Variants in PDE3A observed in about 807,000 individuals in gnomAD.
PDE3A encodes the protein phosphodiesterase 3A.
A neutral mutation model predicts 98.3 loss-of-function variants in PDE3A; 43 were observed. The ratio of observed to expected loss-of-function variants is 0.44; its 90% CI spans 0.34 to 0.56. The LOEUF is 0.56. PDE3A is among the 20% of genes least tolerant of loss of function. PDE3A has a pLI of 0.01. For missense variants in PDE3A, 1,427 were observed against 1,440.7 expected (o/e 0.99, Z 0.15); for synonymous variants, 663 against 567.9 (o/e 1.17, Z -2.38).
At chr12:20,474,363 G>T (rs80325674) in intron 1 of PDE3A, among the ~76,000 whole-genome samples, 4 of 152,016 alleles carry the variant, frequency 2.6e-5, no homozygotes, top group Non-Finnish European at 5.9e-5. Context: ...GTGTTTTCTC[G>T]TAGGATTTTT....
intron 1 of PDE3A, among the ~76,000 whole-genome samples, chr12:20,505,277 C>T (rs758888761): frequency 4.6e-5 from 7 of 152,054 alleles, no homozygotes; most frequent in Non-Finnish European, 7.4e-5. Context: ...GGAACTTGAC[C>T]TAGGAGTCTC....
At chr12:20,557,283 G>C (rs1942394539) in intron 2 of PDE3A, 1 of 152,964 alleles carries the variant, frequency 6.5e-6, no homozygotes, top group African/African-American at 2.4e-5. Flanking sequence ...ACGCATTTAT[G>C]CTTTTTAATG....
chr12:20,400,627 C>T (rs112845478), intron 1 of PDE3A, among the ~76,000 whole-genome samples: 3,355 of 151,948 alleles, frequency 0.022, 120 homozygotes, highest in African/African-American at 0.077. Flanking sequence ...ACTGTGTTAG[C>T]CAAGATGGTC....
chr12:20,642,020 C>T (rs1385592732), intron 10 of PDE3A, among the ~76,000 whole-genome samples: 1 of 151,962 alleles, frequency 6.6e-6, no homozygotes, highest in Non-Finnish European at 1.5e-5. Flanking sequence ...TAGTTATAAT[C>T]AGCACATACA....
intron 5 of PDE3A, among the ~76,000 whole-genome samples, chr12:20,623,719 TATATTCTA>T (rs1244458174): frequency 9.7e-5 from 14 of 143,772 alleles, no homozygotes; most frequent in Middle Eastern, 3.7e-3. Flanking sequence ...ATATGATGGA[TATATTCTA>T]GAAAGAATAT....
chr12:20,505,787 A>C (rs1256230298), intron 1 of PDE3A, among the ~76,000 whole-genome samples: 1 of 152,098 alleles, frequency 6.6e-6, no homozygotes, highest in East Asian at 1.9e-4. Context: ...TCTTCAGGAC[A>C]GTGGTTTTCC....
In PDE3A at chr12:20,487,712, G is replaced by T. The variant is rs576252274; in HGVS notation, c.961-68948G>T. On this transcript the variant is annotated intron_variant, in intron 1 of 15. Transcript: ENST00000359062. ...AGTTTCTACAAGGCAATATTCAATT[G>T]CATTCCAATGGATACAACATCCATT... Among the ~76,000 whole-genome samples the T allele has an allele frequency of 2.6e-5, 4 of 151,596 alleles. 1 individual carries two copies. The highest frequency in any genetic ancestry group is 9.7e-5 in the African/African-American group (4 of 41,348).
chr12:20,526,940 C>A (rs924873143), intron 1 of PDE3A, among the ~76,000 whole-genome samples: 3 of 143,608 alleles, frequency 2.1e-5, no homozygotes, highest in Non-Finnish European at 3.0e-5. Context: ...GTGTTTGAGA[C>A]CAAGTCTCAC....
chr12:20,537,014 A>T (rs1386809938), intron 1 of PDE3A, among the ~76,000 whole-genome samples: 2 of 152,070 alleles, frequency 1.3e-5, no homozygotes, highest in Non-Finnish European at 2.9e-5. Context: ...CTAGCAAATT[A>T]TAAAGGTCCT....
At chr12:20,485,660 C>G (rs567499900) in intron 1 of PDE3A, among the ~76,000 whole-genome samples, 134 of 152,268 alleles carry the variant, frequency 8.8e-4, no homozygotes, top group African/African-American at 3.1e-3. Flanking sequence ...AAAACTAGCA[C>G]ATTTTAAGGA....
chr12:20,603,713 A>C (rs1286192012), intron 2 of PDE3A, among the ~76,000 whole-genome samples: 4 of 152,292 alleles, frequency 2.6e-5, no homozygotes, highest in African/African-American at 9.6e-5. Context: ...ACAATGTTTC[A>C]CCAACAATAA....
intron 1 of PDE3A, among the ~76,000 whole-genome samples, chr12:20,544,907 G>C (rs939479337): frequency 1.3e-5 from 2 of 151,928 alleles, no homozygotes; most frequent in African/African-American, 4.8e-5. Context: ...CATACTTCTA[G>C]AAATATTTCA....
chr12:20,539,682 G>C (rs1941845414), intron 1 of PDE3A, among the ~76,000 whole-genome samples: 1 of 152,138 alleles, frequency 6.6e-6, no homozygotes. Flanking sequence ...AAAGTGTCCT[G>C]AGGAAGTGTT....
intron 2 of PDE3A, among the ~76,000 whole-genome samples, chr12:20,587,310 A>G (rs1227745733): frequency 1.3e-5 from 2 of 152,194 alleles, no homozygotes; most frequent in Non-Finnish European, 2.9e-5. Context: ...CAGAGGTTGC[A>G]GTGAGCTGAC....
At chr12:20,667,226 T>C (rs1406890691) in intron 15 of PDE3A, among the ~76,000 whole-genome samples, 2 of 152,224 alleles carry the variant, frequency 1.3e-5, no homozygotes, top group Non-Finnish European at 1.5e-5. Flanking sequence ...ATTCTATAGA[T>C]TTTCTCTTCA....
intron 15 of PDE3A, among the ~76,000 whole-genome samples, chr12:20,659,559 GT>G (rs148373818): frequency 5.3e-5 from 8 of 151,294 alleles, no homozygotes; most frequent in South Asian, 2.1e-4. Flanking sequence ...AACTTGTACT[GT>G]TTTTTTTAAT....
intron 1 of PDE3A, among the ~76,000 whole-genome samples, chr12:20,543,011 TA>T (rs1941959690): frequency 6.6e-6 from 1 of 152,056 alleles, no homozygotes; most frequent in Non-Finnish European, 1.5e-5. Flanking sequence ...CAAATTGACA[TA>T]AATAATGCAA....
chr12:20,534,229 C>T lies in PDE3A; in HGVS notation c.961-22431C>T, dbSNP rs571078454. Among the ~76,000 whole-genome samples, 16 of 152,286 alleles carry T rather than the reference C, an allele frequency of 1.1e-4. 1 individual carries two copies. In the South Asian group the frequency reaches 3.1e-3, roughly 30 times the overall value. ...TGAGAGTTCCTCCAAGGTGGAGACT[C>T]ATTCAGCTTTTCGTCTCTCTTACAT... On this transcript the variant is annotated intron_variant, in intron 1 of 15. Coordinates refer to ENST00000359062, the MANE Select transcript of PDE3A (RefSeq NM_000921.5).
chr12:20,540,780 G>A (rs1434396047), intron 1 of PDE3A, among the ~76,000 whole-genome samples: 1 of 151,896 alleles, frequency 6.6e-6, no homozygotes, highest in Non-Finnish European at 1.5e-5. Context: ...GAAAACTTTG[G>A]CTAGGACATG....
Sources: gnomAD v4.1 joint callset for allele counts (sites outside exome capture counted in the v4.1 genomes callset) on GRCh38, gnomAD v4.1.1 for gene constraint, MANE v1.5 for transcripts, NCBI Gene and HGNC (gene_info 2026-07-23, HGNC 2026-07-21) for gene names.